The following FGF7 variants were observed in gnomAD, a reference collection of about 807,000 sequenced individuals.
FGF7 encodes the protein fibroblast growth factor 7.
In FGF7, 6 loss-of-function variants were observed where a neutral mutation model predicts 20.5. That is an observed-to-expected ratio of 0.29 (90% CI 0.16 to 0.58). FGF7 has a LOEUF of 0.58. FGF7 is among the 20% of genes least tolerant of loss of function. FGF7 has a pLI of 0.90. For synonymous variants in FGF7, 64 were observed against 74.7 expected (o/e 0.86, Z 0.74); for missense variants, 144 against 228.8 (o/e 0.63, Z 2.39).
chr15:49,471,360 G>A (rs2151966124), intron 2 of FGF7, among the ~76,000 whole-genome samples: 1 of 151,916 alleles, frequency 6.6e-6, no homozygotes, highest in South Asian at 2.1e-4. Flanking sequence ...GGCACAACCT[G>A]TAATTACAGC....
At chr15:49,470,211 G>A (rs1389746344) in intron 2 of FGF7, among the ~76,000 whole-genome samples, 1 of 151,706 alleles carries the variant, frequency 6.6e-6, no homozygotes, top group Non-Finnish European at 1.5e-5. Flanking sequence ...AAAACCACAT[G>A]TGAGAATACT....
chr15:49,425,814 TTTA>T lies in FGF7; in HGVS notation c.286+1241_286+1243del, dbSNP rs1044472446. ...GACAGTTATGGTTTTATTATTATTA[TTTA>T]TTATTATTACTGAGATTAATAAAGG... On this transcript the variant is annotated intron_variant, in intron 2 of 3. Transcript: ENST00000267843. Among the ~76,000 whole-genome samples, 9 of 151,690 alleles carry T rather than the reference TTTA, an allele frequency of 5.9e-5. 1 individual carries two copies. The highest frequency in any genetic ancestry group is 2.2e-4 in the African/African-American group (9 of 41,374).
At chr15:49,482,786 A>G (rs978186400) in intron 2 of FGF7, among the ~76,000 whole-genome samples, 1 of 152,194 alleles carries the variant, frequency 6.6e-6, no homozygotes, top group East Asian at 1.9e-4. Context: ...GAGTTAATAC[A>G]TAAGAGCAAT....
At chr15:49,455,327 G>T (rs1334359700) in intron 2 of FGF7, among the ~76,000 whole-genome samples, 2 of 152,080 alleles carry the variant, frequency 1.3e-5, no homozygotes, top group Non-Finnish European at 2.9e-5. Flanking sequence ...TGAAAATCAA[G>T]GTCAATCTGT....
intron 1 of FGF7, among the ~76,000 whole-genome samples, chr15:49,423,759 G>A (rs147217645): frequency 3.3e-5 from 5 of 152,232 alleles, no homozygotes; most frequent in Non-Finnish European, 7.4e-5. Context: ...TAAATCAATA[G>A]TTCTGAGTGC....
intron 2 of FGF7, among the ~76,000 whole-genome samples, chr15:49,438,384 C>T (rs1436324358): frequency 2.0e-5 from 3 of 151,674 alleles, no homozygotes; most frequent in Non-Finnish European, 3.0e-5. Flanking sequence ...GAAATTAACT[C>T]GTGACAATGA....
At chr15:49,447,039 T>A (rs575693852) in intron 2 of FGF7, among the ~76,000 whole-genome samples, 1 of 151,666 alleles carries the variant, frequency 6.6e-6, no homozygotes, top group East Asian at 1.9e-4. Flanking sequence ...TCATCCTGAA[T>A]AAATGGACTG....
At chr15:49,456,520 T>A (rs948909243) in intron 2 of FGF7, among the ~76,000 whole-genome samples, 1 of 152,144 alleles carries the variant, frequency 6.6e-6, no homozygotes, top group Non-Finnish European at 1.5e-5. Flanking sequence ...TTCTACTATA[T>A]GCAAGCATTC....
intron 2 of FGF7, among the ~76,000 whole-genome samples, chr15:49,476,614 A>G (rs1335146565): frequency 6.6e-6 from 1 of 151,004 alleles, no homozygotes; most frequent in Non-Finnish European, 1.5e-5. Flanking sequence ...AATAAATCAC[A>G]TATGTTCTAT....
intron 2 of FGF7, among the ~76,000 whole-genome samples, chr15:49,456,641 C>CA (rs1178394341): frequency 6.6e-6 from 1 of 151,946 alleles, no homozygotes; most frequent in African/African-American, 2.4e-5. Flanking sequence ...ATAGTAACTA[C>CA]AAAATAAGGC....
chr15:49,467,576 T>C (rs1322664527), intron 2 of FGF7, among the ~76,000 whole-genome samples: 1 of 152,140 alleles, frequency 6.6e-6, no homozygotes, highest in African/African-American at 2.4e-5. Flanking sequence ...TTCCATTTCA[T>C]ATAAAAATCT....
intron 2 of FGF7, among the ~76,000 whole-genome samples, chr15:49,425,713 G>C (rs530760980): frequency 6.6e-6 from 1 of 151,848 alleles, no homozygotes; most frequent in Admixed American, 6.6e-5. Flanking sequence ...AGAGAATTAT[G>C]TTTCCAATAT....
intron 2 of FGF7, among the ~76,000 whole-genome samples, chr15:49,461,047 A>G (rs1005308550): frequency 1.3e-5 from 2 of 152,066 alleles, no homozygotes; most frequent in Admixed American, 1.3e-4. Context: ...ACTACCCTTC[A>G]TCCCACCTCT....
intron 2 of FGF7, among the ~76,000 whole-genome samples, chr15:49,441,691 G>A (rs1314012456): frequency 6.6e-6 from 1 of 151,560 alleles, no homozygotes; most frequent in Non-Finnish European, 1.5e-5. Flanking sequence ...AAATAACAAT[G>A]ATAATGATTA....
Position 49,470,520 on chromosome 15 carries a change from C to T in FGF7, c.287-12631C>T, listed in dbSNP as rs1266520388. 2.6e-5 allele frequency among the ~76,000 whole-genome samples: 4 copies of T among 152,152 alleles called. 1 individual carries two copies. The highest frequency in any genetic ancestry group is 4.1e-4 in the South Asian group (2 of 4,832). On this transcript the variant is annotated intron_variant, in intron 2 of 3. Transcript: ENST00000267843. ...TAATATCTTCATAAAAACTCCAACA[C>T]ATTATCACTCCCACCTAGTAAAAAT...
chr15:49,432,300 C>T (rs2050686416), intron 2 of FGF7, among the ~76,000 whole-genome samples: 1 of 151,564 alleles, frequency 6.6e-6, no homozygotes, highest in Admixed American at 6.6e-5. Flanking sequence ...AACACTAGTG[C>T]CCCCTGAGAT....
intron 2 of FGF7, among the ~76,000 whole-genome samples, chr15:49,426,256 A>G (rs1356243218): frequency 1.3e-5 from 2 of 151,826 alleles, no homozygotes; most frequent in Admixed American, 6.6e-5. Context: ...TTCTATTTTA[A>G]ACCGCAGAAT....
chr15:49,424,424 A>G lies in FGF7; in HGVS notation c.127A>G (p.Asn43Asp). ...CATGACTCCAGAGCAAATGGCTACAAATGTGAACTGTTCCAGCCCTGAGCG... is the reference window on the plus strand; with the variant it reads ...CATGACTCCAGAGCAAATGGCTACAGATGTGAACTGTTCCAGCCCTGAGCG... ...NDMTPEQMAT[N>D]VNCSSPERHT... The change falls in exon 2 of 4, where the codon AAT becomes GAT. Residue 43 changes from asparagine to aspartate, a missense_variant. By Grantham distance (23) the Asn-to-Asp change is conservative (BLOSUM62 1). Transcript: ENST00000267843. The G allele has an allele frequency of 6.2e-7, 1 of 1,613,746 alleles. No individual in the cohort carries two copies. The highest frequency in any genetic ancestry group is 8.5e-7 in the Non-Finnish European group (1 of 1,179,746).
intron 2 of FGF7, among the ~76,000 whole-genome samples, chr15:49,461,892 T>C: frequency 6.6e-6 from 1 of 152,216 alleles, no homozygotes; most frequent in Non-Finnish European, 1.5e-5. Flanking sequence ...GACTGATTAT[T>C]GCCCAGGGGC....
Sources: gnomAD v4.1 joint callset for allele counts (sites outside exome capture counted in the v4.1 genomes callset) on GRCh38, gnomAD v4.1.1 for gene constraint, MANE v1.5 for transcripts, NCBI Gene and HGNC (gene_info 2026-07-23, HGNC 2026-07-21) for gene names.